Variants in CNBP observed in about 807,000 individuals in gnomAD.
The protein encoded by CNBP is CCHC-type zinc finger nucleic acid binding protein, also known as cellular nucleic acid-binding protein.
A neutral mutation model predicts 21.2 loss-of-function variants in CNBP; 6 were observed. That is an observed-to-expected ratio of 0.28 (90% CI 0.16 to 0.56). The LOEUF is 0.56. Ranked by LOEUF, CNBP falls within the 20% of genes least tolerant of loss-of-function variation. The probability of loss-of-function intolerance (pLI) is 0.93; values close to 1 mark genes in which losing one functional copy is unlikely to be tolerated. For missense variants in CNBP, 112 were observed against 233.1 expected (o/e 0.48, Z 3.38); for synonymous variants, 61 against 74.9 (o/e 0.81, Z 0.96).
At chr3:129,171,574 G>C (rs375834867) in intron 2 of CNBP, 36 bp from the exon 3 acceptor site, 45 of 1,613,822 alleles carry the variant, frequency 2.8e-5, no homozygotes, top group Middle Eastern at 1.6e-4. Flanking sequence ...CGGCTAGTCA[G>C]ACCAGTCTTG....
chr3:129,171,029 G>T, intron 4 of CNBP, 50 bp downstream of exon 4: 1 of 1,550,072 alleles, frequency 6.5e-7, no homozygotes, highest in South Asian at 1.2e-5. Flanking sequence ...ATTCATCTCT[G>T]GAAGAATCTC....
chr3:129,168,072 A>G lies in CNBP; in HGVS notation c.*2381T>C, dbSNP rs1267476393. Among the ~76,000 whole-genome samples the G allele has an allele frequency of 6.6e-6, 1 of 152,170 alleles. No individual in the cohort carries two copies. The highest frequency in any genetic ancestry group is 2.4e-5 in the African/African-American group (1 of 41,440). On this transcript the variant is annotated 3_prime_UTR_variant, in exon 5 of 5. Transcript: ENST00000422453. ...TGACAGAACCCTGCATGAAGGATGAAAAACTCATACCCAAAGTCAAGAATC... is the reference window on the plus strand; with the variant it reads ...TGACAGAACCCTGCATGAAGGATGAGAAACTCATACCCAAAGTCAAGAATC...
At position 129,168,683 on chromosome 3, in the gene CNBP, C is replaced by T. The variant is rs187327217; in HGVS notation, c.*1770G>A. The stretch of plus-strand genomic sequence containing the variant: ...GGTATTAAAACTGTTCAGAATCGGC[C>T]AGACACGGTGGCTCGCACCTGTAAC... On this transcript the variant is annotated 3_prime_UTR_variant, in exon 5 of 5. Transcript: ENST00000422453. Among the ~76,000 whole-genome samples the T allele has an allele frequency of 2.2e-3, 322 of 149,170 alleles. 2 individuals are homozygous for T. The highest frequency in any genetic ancestry group is 7.7e-3 in the African/African-American group (313 of 40,578).
chr3:129,175,618 C>G (rs1048982402), intron 1 of CNBP, among the ~76,000 whole-genome samples: 2 of 151,922 alleles, frequency 1.3e-5, no homozygotes, highest in South Asian at 4.2e-4. Flanking sequence ...TTAGTAGAGA[C>G]GGGGTTTCAC....
chr3:129,183,110 C>T (rs1273705918), intron 1 of CNBP, among the ~76,000 whole-genome samples: 1 of 152,070 alleles, frequency 6.6e-6, no homozygotes, highest in Non-Finnish European at 1.5e-5. Context: ...GCCACCATGC[C>T]CGGCTAATTT....
rs535968388 is a variant in CNBP, at chr3:129,178,805, C to T, written c.-15+4971G>A. Among the ~76,000 whole-genome samples the T allele has an allele frequency of 1.6e-4, 25 of 151,678 alleles. 1 individual carries two copies. The highest frequency in any genetic ancestry group is 1.2e-3 in the Admixed American group (18 of 15,246). Reference sequence around the variant, plus strand: ...TCGCCCAGGCTGGAGTGCAGTGGCACGATCTCGGCTCACTGCAAGCTCCAC... The same window carrying T: ...TCGCCCAGGCTGGAGTGCAGTGGCATGATCTCGGCTCACTGCAAGCTCCAC... On this transcript the variant is annotated intron_variant, in intron 1 of 4. Transcript: ENST00000422453.
chr3:129,171,543 T>G lies in CNBP; in HGVS notation c.125-5A>C. ...ACGAGGAAACAAACTGGAAACCTGTTTTGAGCAAAAACAAAGAATTCGGCT... is the reference window on the plus strand; with the variant it reads ...ACGAGGAAACAAACTGGAAACCTGTGTTGAGCAAAAACAAAGAATTCGGCT... On this transcript the variant is annotated splice_region_variant and splice_polypyrimidine_tract_variant and intron_variant, in intron 2 of 4. Coordinates refer to ENST00000422453, the MANE Select transcript of CNBP (RefSeq NM_003418.5). 1 of 1,614,044 alleles carries G rather than the reference T, an allele frequency of 6.2e-7. No homozygotes were observed. Among genetic ancestry groups the G allele is most frequent in the Non-Finnish European group, 8.5e-7 (1 of 1,179,912 alleles).
chr3:129,171,886 G>C, intron 1 of CNBP, 115 bp from the exon 2 acceptor site: 2 of 1,180,386 alleles, frequency 1.7e-6, no homozygotes, highest in Non-Finnish European at 2.3e-6. Context: ...CTAATATATT[G>C]GTTAAAAAAA....
intron 1 of CNBP, among the ~76,000 whole-genome samples, chr3:129,176,965 C>T (rs532077016): frequency 2.6e-5 from 4 of 152,228 alleles, no homozygotes; most frequent in Admixed American, 2.6e-4. Flanking sequence ...TTCAGATTAT[C>T]TAACACAATC....
Position 129,171,697 on chromosome 3 carries a change from T to C in CNBP, c.61A>G (p.Thr21Ala), listed in dbSNP as rs140065732. The part of the protein sequence containing the change: ...RSGHWARECP[T>A]GGGRGRGMRS... Reference sequence around the variant, plus strand: ...ATTCCACGACCACGGCCTCCACCAGTAGGACATTCCCGGGCCCAGTGGCCA... The same window carrying C: ...ATTCCACGACCACGGCCTCCACCAGCAGGACATTCCCGGGCCCAGTGGCCA... Residue 21 changes from threonine (T) to alanine (A), a missense_variant, in exon 2 of 5, where the codon ACT (threonine) becomes GCT (alanine). Physicochemically the swap from Thr to Ala is moderately conservative, Grantham distance 58. Coordinates refer to ENST00000422453, the MANE Select transcript of CNBP (RefSeq NM_003418.5). 3,210 of 1,614,102 alleles carry C rather than the reference T, an allele frequency of 2.0e-3. 14 individuals are homozygous for C. The highest frequency in any genetic ancestry group is 1.7e-3 in the Non-Finnish European group (1,973 of 1,180,026).
Position 129,168,932 on chromosome 3 carries a change from T to C in CNBP, c.*1521A>G. 1.5e-5 allele frequency among the ~76,000 whole-genome samples: 1 copy of C among 67,744 alleles called. No individual in the cohort carries two copies. The highest frequency in any genetic ancestry group is 5.1e-4 in the South Asian group (1 of 1,964). 44.4% of individuals were successfully genotyped at this position (67,744 alleles called of 152,430 possible). The stretch of plus-strand genomic sequence containing the variant: ...TAACACCGTGAAACCCCGTCTTTAC[T>C]AAAAATACAAAAAAAAAAAATTAGC... On this transcript the variant is annotated 3_prime_UTR_variant, in exon 5 of 5. Transcript: ENST00000422453.
chr3:129,176,400 C>T (rs1005950707), intron 1 of CNBP, among the ~76,000 whole-genome samples: 1 of 152,210 alleles, frequency 6.6e-6, no homozygotes, highest in African/African-American at 2.4e-5. Flanking sequence ...AATGGCAGTA[C>T]CATATTGCCT....
chr3:129,180,762 CTT>C (rs755567747), intron 1 of CNBP, among the ~76,000 whole-genome samples: 15 of 140,018 alleles, frequency 1.1e-4, no homozygotes, highest in Admixed American at 1.4e-4. Flanking sequence ...AGGAACCAAT[CTT>C]TTTTTTTTTT....
chr3:129,182,056 A>G (rs1198761000), intron 1 of CNBP, among the ~76,000 whole-genome samples: 1 of 152,134 alleles, frequency 6.6e-6, no homozygotes, highest in East Asian at 1.9e-4. Context: ...AGCCCAGGAG[A>G]TAAGTACTAT....
At position 129,170,355 on chromosome 3, in the gene CNBP, G is replaced by A; in HGVS notation, c.*98C>T. The A allele has an allele frequency of 3.0e-6, 3 of 985,258 alleles. No individual in the cohort carries two copies. The highest frequency in any genetic ancestry group is 4.9e-6 in the Non-Finnish European group (3 of 616,182). The allele number at this position is 985,258 out of a possible 1,614,324, so 61.0% of individuals were successfully genotyped here. On this transcript the variant is annotated 3_prime_UTR_variant, in exon 5 of 5. Transcript: ENST00000422453. ...CGGCAAGTAAAGCTCACTGGCCTGGGAGTTGCCTCTATCTGCCAACCTTTG... is the reference window on the plus strand; with the variant it reads ...CGGCAAGTAAAGCTCACTGGCCTGGAAGTTGCCTCTATCTGCCAACCTTTG...
rs971288393 is a variant in CNBP at position 129,169,690 on chromosome 3, C to G, written c.*763G>C. 9.4e-6 allele frequency: 2 copies of G among 213,364 alleles called. No individual in the cohort carries two copies. Among genetic ancestry groups the G allele is most frequent in the Non-Finnish European group, 1.9e-5 (2 of 105,394 alleles). 13.2% of individuals were successfully genotyped at this position (213,364 alleles called of 1,614,324 possible). A position where few individuals can be genotyped will look rare whatever the true frequency, so the allele number is the denominator to read the frequency against. ...AAAACTGATTACAGCAAATGAAACACAGTTGTCTAAGTGATATAGTATACA... is the reference window on the plus strand; with the variant it reads ...AAAACTGATTACAGCAAATGAAACAGAGTTGTCTAAGTGATATAGTATACA... On this transcript the variant is annotated 3_prime_UTR_variant, in exon 5 of 5. Transcript: ENST00000422453.
rs1015784949 is a variant in CNBP, at chr3:129,168,853, T to C, written c.*1600A>G. On this transcript the variant is annotated 3_prime_UTR_variant, in exon 5 of 5. Coordinates refer to ENST00000422453, the MANE Select transcript of CNBP (RefSeq NM_003418.5). ...GGCTCACGCCTGTGATCCCAGCACT[T>C]TGGGAGGCCAAGGCGGGCGGATCAC... Among the ~76,000 whole-genome samples, 1 of 151,628 alleles carries C rather than the reference T, an allele frequency of 6.6e-6. No homozygotes were observed. The highest frequency in any genetic ancestry group is 1.5e-5 in the Non-Finnish European group (1 of 67,930).
At chr3:129,182,387 T>A (rs985850442) in intron 1 of CNBP, among the ~76,000 whole-genome samples, 6 of 151,966 alleles carry the variant, frequency 3.9e-5, no homozygotes, top group Non-Finnish European at 8.8e-5. Flanking sequence ...TACTGAGCAA[T>A]GTTCTCTTTT....
chr3:129,175,362 C>G (rs897199265), intron 1 of CNBP, among the ~76,000 whole-genome samples: 1 of 150,394 alleles, frequency 6.6e-6, no homozygotes, highest in African/African-American at 2.4e-5. Context: ...TTCTGTAAAA[C>G]AGATATGCAT....
Sources: gnomAD v4.1 joint callset for allele counts (sites outside exome capture counted in the v4.1 genomes callset) on GRCh38, gnomAD v4.1.1 for gene constraint, MANE v1.5 for transcripts, NCBI Gene and HGNC (gene_info 2026-07-23, HGNC 2026-07-21) for gene names.